MGAT4A: variants seen among roughly 807,000 people sequenced by gnomAD.
MGAT4A encodes the protein alpha-1,3-mannosyl-glycoprotein 4-beta-N-acetylglucosaminyltransferase A.
Under a neutral mutation model 74.1 loss-of-function variants are expected in MGAT4A, and 33 were observed. The observed-to-expected ratio is 0.45, with a 90% CI of 0.34 to 0.60. MGAT4A has a LOEUF of 0.60. Ranked by LOEUF, MGAT4A falls within the 20% of genes least tolerant of loss-of-function variation. MGAT4A has a pLI of 0.02. For missense variants in MGAT4A, 479 were observed against 628.3 expected (o/e 0.76, Z 2.54); for synonymous variants, 198 against 210.4 (o/e 0.94, Z 0.51).
At chr2:98,661,503 G>C (rs1437507690) in intron 5 of MGAT4A, among the ~76,000 whole-genome samples, 2 of 152,098 alleles carry the variant, frequency 1.3e-5, no homozygotes, top group Non-Finnish European at 2.9e-5. Context: ...AAAATAGAAT[G>C]CAATAATAGA....
chr2:98,724,034 T>C (rs1702724892), intron 2 of MGAT4A, among the ~76,000 whole-genome samples: 2 of 152,224 alleles, frequency 1.3e-5, no homozygotes, highest in East Asian at 3.8e-4. Flanking sequence ...AGCACTGTTA[T>C]TGTTTCTATC....
intron 4 of MGAT4A, 41 bp from the exon 5 acceptor site, chr2:98,663,220 G>C (rs1218647083): frequency 6.5e-7 from 1 of 1,540,972 alleles, no homozygotes. Context: ...AACTGTACAA[G>C]GACAATACAG....
intron 13 of MGAT4A, among the ~76,000 whole-genome samples, chr2:98,635,768 G>A (rs978504023): frequency 6.6e-6 from 1 of 151,908 alleles, no homozygotes; most frequent in Non-Finnish European, 1.5e-5. Context: ...CGAGGCGGGT[G>A]GATCACGAGG....
At chr2:98,695,826 A>G (rs778848268) in intron 2 of MGAT4A, among the ~76,000 whole-genome samples, 2 of 152,080 alleles carry the variant, frequency 1.3e-5, no homozygotes, top group Non-Finnish European at 2.9e-5. Flanking sequence ...GTATTACTGT[A>G]AATATATGAA....
chr2:98,695,439 G>A (rs1281361670), intron 2 of MGAT4A: 5 of 218,494 alleles, frequency 2.3e-5, no homozygotes, highest in Admixed American at 8.5e-5. Flanking sequence ...TAACACTGTG[G>A]ACATCACACA....
chr2:98,639,926 C>T lies in MGAT4A; in HGVS notation c.1204G>A (p.Val402Ile), dbSNP rs747192843. Reference sequence around the variant, plus strand: ...TTCTCCAGCGTATGCCCTTGGTAGACCTTCAAGGAAGTAGATACCTCCGCA... The same window carrying T: ...TTCTCCAGCGTATGCCCTTGGTAGATCTTCAAGGAAGTAGATACCTCCGCA... Reference protein sequence around the residue: ...PPAEVSTSLKVYQGHTLEKTY... With the variant: ...PPAEVSTSLKIYQGHTLEKTY... Residue 402 changes from valine to isoleucine, a missense_variant, in exon 12 of 16, where the codon GTC (valine) becomes ATC (isoleucine). Physicochemically the swap from Val to Ile is conservative, Grantham distance 29. Around this residue, in one of 3 missense-constraint regions of MGAT4A, gnomAD observed 236 missense variants for 308.2 expected, o/e 0.77. Transcript: ENST00000393487. 2.5e-6 allele frequency: 4 copies of T among 1,614,082 alleles called. No individual in the cohort carries two copies. The South Asian group carries it at 3.3e-5, about 13-fold the overall frequency.
intron 2 of MGAT4A, among the ~76,000 whole-genome samples, chr2:98,720,393 G>A (rs1702650581): frequency 6.6e-6 from 1 of 152,186 alleles, no homozygotes; most frequent in African/African-American, 2.4e-5. Context: ...TCTGAGCTAG[G>A]ATATCCCACC....
intron 2 of MGAT4A, among the ~76,000 whole-genome samples, chr2:98,702,943 A>G (rs1702372515): frequency 6.6e-6 from 1 of 152,226 alleles, no homozygotes; most frequent in Non-Finnish European, 1.5e-5. Context: ...CTGCATCAAT[A>G]TATTACCTAA....
chr2:98,724,761 T>C (rs1249897942), intron 2 of MGAT4A, among the ~76,000 whole-genome samples: 3 of 152,038 alleles, frequency 2.0e-5, no homozygotes, highest in Non-Finnish European at 4.4e-5. Context: ...TCTCCACTAC[T>C]ATAATTCTCT....
chr2:98,661,091 T>C (rs1701742420), intron 5 of MGAT4A, among the ~76,000 whole-genome samples: 1 of 151,872 alleles, frequency 6.6e-6, no homozygotes, highest in Admixed American at 6.6e-5. Context: ...ACTGAAAAAA[T>C]AGGCAAAGGA....
intron 2 of MGAT4A, among the ~76,000 whole-genome samples, chr2:98,718,952 C>A (rs1431597537): frequency 6.6e-6 from 1 of 152,180 alleles, no homozygotes; most frequent in Non-Finnish European, 1.5e-5. Flanking sequence ...TGTCATTATC[C>A]TCAGTCCCAC....
intron 2 of MGAT4A, among the ~76,000 whole-genome samples, chr2:98,710,957 G>A (rs1702507438): frequency 6.6e-6 from 1 of 151,756 alleles, no homozygotes; most frequent in African/African-American, 2.4e-5. Context: ...GGGTGGGGAG[G>A]AAGATAAGCA....
intron 2 of MGAT4A, among the ~76,000 whole-genome samples, chr2:98,684,190 C>T (rs1010212917): frequency 6.6e-6 from 1 of 152,170 alleles, no homozygotes; most frequent in Non-Finnish European, 1.5e-5. Context: ...TTTAACATAA[C>T]AGATGAAAAA....
intron 5 of MGAT4A, 40 bp from the exon 6 acceptor site, chr2:98,658,304 T>TAC (rs774718005): frequency 8.2e-7 from 1 of 1,216,042 alleles, no homozygotes; most frequent in Non-Finnish European, 1.2e-6. Flanking sequence ...CAAGTTTTTA[T>TAC]ATTTTTATTT....
In MGAT4A at chr2:98,721,803, G is replaced by A. The variant is rs576838801; in HGVS notation, c.94+4436C>T. Among the ~76,000 whole-genome samples the A allele has an allele frequency of 1.7e-4, 26 of 151,048 alleles. No individual in the cohort carries two copies. The South Asian group carries it at 4.8e-3, about 28-fold the overall frequency. On this transcript the variant is annotated intron_variant, in intron 2 of 15. Transcript: ENST00000393487. The stretch of plus-strand genomic sequence containing the variant: ...AATGCTATATTAGAATTCAATTAAT[G>A]CAAAAAAAAAGCAATAAGGGAGGAA...
intron 14 of MGAT4A, among the ~76,000 whole-genome samples, chr2:98,629,984 T>A (rs1701204860): frequency 6.6e-6 from 1 of 152,186 alleles, no homozygotes. Context: ...AGGCGGAGGA[T>A]GCAGTGAGTC....
intron 14 of MGAT4A, among the ~76,000 whole-genome samples, chr2:98,633,664 G>A (rs1265977492): frequency 1.3e-5 from 2 of 152,160 alleles, no homozygotes; most frequent in Non-Finnish European, 2.9e-5. Flanking sequence ...TGATGATGCA[G>A]AAGTTCACTT....
At chr2:98,640,591 A>T (rs1701392373) in intron 10 of MGAT4A, among the ~76,000 whole-genome samples, 1 of 152,152 alleles carries the variant, frequency 6.6e-6, no homozygotes, top group Admixed American at 6.5e-5. Flanking sequence ...GTGACAGAGT[A>T]AAACTCTGTC....
chr2:98,705,927 C>A (rs1045928211), intron 2 of MGAT4A, among the ~76,000 whole-genome samples: 1 of 131,206 alleles, frequency 7.6e-6, no homozygotes, highest in Non-Finnish European at 1.5e-5. Context: ...CCGACCTGGG[C>A]GACAGAGCGA....
Sources: gnomAD v4.1 joint callset for allele counts (sites outside exome capture counted in the v4.1 genomes callset) on GRCh38, gnomAD v4.1.1 for gene constraint, gnomAD v4.1.1 regional missense constraint, MANE v1.5 for transcripts, NCBI Gene and HGNC (gene_info 2026-07-23, HGNC 2026-07-21) for gene names.